GSE1: variants seen among roughly 807,000 people sequenced by gnomAD.
GSE1 encodes the protein Gse1 coiled-coil protein, also known as genetic suppressor element 1.
In GSE1, 32 loss-of-function variants were observed where a neutral mutation model predicts 112.6. The observed-to-expected ratio is 0.28, with a 90% CI of 0.21 to 0.38. The LOEUF (loss-of-function observed/expected upper bound fraction) is 0.38, where lower values mean the gene tolerates loss of function less well. Ranked by LOEUF, GSE1 falls within the 10% of genes least tolerant of loss-of-function variation. GSE1 has a pLI of 1.00. For synonymous variants in GSE1, 1,115 were observed against 735.6 expected (o/e 1.52, Z -8.35); for missense variants, 2,348 against 1,699.2 (o/e 1.38, Z -6.71).
intron 1 of GSE1, among the ~76,000 whole-genome samples, chr16:85,299,919 G>C (rs1382084110): frequency 6.9e-6 from 1 of 144,044 alleles, no homozygotes; most frequent in African/African-American, 2.7e-5. Flanking sequence ...CTGGGTGACA[G>C]AGTGAGACCC....
At chr16:85,396,707 C>G (rs2047974640) in intron 2 of GSE1, among the ~76,000 whole-genome samples, 1 of 152,240 alleles carries the variant, frequency 6.6e-6, no homozygotes, top group African/African-American at 2.4e-5. Context: ...TGTCCGGACG[C>G]TACACAAGTG....
intron 1 of GSE1, among the ~76,000 whole-genome samples, chr16:85,176,802 G>A (rs891047490): frequency 4.6e-5 from 7 of 152,242 alleles, no homozygotes; most frequent in Admixed American, 1.3e-4. Flanking sequence ...TGCAGAGAGC[G>A]TCTGTCGTCA....
Position 85,661,471 on chromosome 16 carries a change from C to G in GSE1, c.1966C>G (p.Pro656Ala), listed in dbSNP as rs147451671. Residue 656 changes from proline to alanine, a missense_variant, in exon 9 of 16, where the codon CCA (proline) becomes GCA (alanine). Transcript: ENST00000253458. The part of the protein sequence containing the change: ...LDKYQPPPPP[P>A]REGGSLEHQP... ...CAAGTACCAGCCACCTCCGCCGCCA[C>G]CACGAGAGGGAGGGAGCCTGGAGCA... is the stretch of plus-strand genomic sequence containing the variant. The G allele has an allele frequency of 4.3e-6, 7 of 1,611,760 alleles. No individual in the cohort carries two copies. The highest frequency in any genetic ancestry group is 1.7e-4 in the Middle Eastern group (1 of 6,058).
At chr16:85,332,467 A>G (rs2151521612) in intron 1 of GSE1, among the ~76,000 whole-genome samples, 1 of 152,244 alleles carries the variant, frequency 6.6e-6, no homozygotes, top group East Asian at 1.9e-4. Context: ...AGGCTCAGGG[A>G]GGGGATGTGA....
chr16:85,192,139 C>T (rs2074836422), intron 1 of GSE1, among the ~76,000 whole-genome samples: 1 of 152,244 alleles, frequency 6.6e-6, no homozygotes, highest in Non-Finnish European at 1.5e-5. Context: ...AGGGTGCACA[C>T]ATAGGCAGTA....
chr16:85,397,694 C>T (rs1033750023), intron 2 of GSE1, among the ~76,000 whole-genome samples: 6 of 152,232 alleles, frequency 3.9e-5, no homozygotes, highest in African/African-American at 9.6e-5. Context: ...CTGGAGGACG[C>T]GCGTCAGCCT....
chr16:85,424,132 G>A (rs1264783023), intron 2 of GSE1, among the ~76,000 whole-genome samples: 1 of 152,252 alleles, frequency 6.6e-6, no homozygotes. Context: ...GAAGGAACCA[G>A]AAAGAAAGCT....
rs1009848300 is a variant in GSE1, at chr16:85,180,960, A to G, written c.2283+9153A>G. Among the ~76,000 whole-genome samples the G allele has an allele frequency of 2.6e-5, 4 of 152,200 alleles. No homozygotes were observed. In the East Asian group the frequency reaches 5.8e-4, roughly 22 times the overall value. Reference sequence around the variant, plus strand: ...GTGCCAGGGTGCTGCCTGCCAATGTATTATACTGTGGGAACCATTTCAACG... The same window carrying G: ...GTGCCAGGGTGCTGCCTGCCAATGTGTTATACTGTGGGAACCATTTCAACG... On this transcript the variant is annotated intron_variant, in intron 1 of 2. Coordinates refer to the GSE1 transcript ENST00000637419.
chr16:85,470,327 C>G (rs1376642974), intron 2 of GSE1, among the ~76,000 whole-genome samples: 1 of 152,172 alleles, frequency 6.6e-6, no homozygotes, highest in Non-Finnish European at 1.5e-5. Context: ...CCTCAGTGAT[C>G]CAGCCGCAGC....
At chr16:85,634,552 G>A (rs1456395845) in intron 2 of GSE1, among the ~76,000 whole-genome samples, 1 of 152,200 alleles carries the variant, frequency 6.6e-6, no homozygotes, top group African/African-American at 2.4e-5. Context: ...AAGTGGCAGA[G>A]AACATGGTGT....
chr16:85,639,127 T>A (rs1184007296), intron 2 of GSE1, among the ~76,000 whole-genome samples: 1 of 152,214 alleles, frequency 6.6e-6, no homozygotes, highest in African/African-American at 2.4e-5. Flanking sequence ...TCCCTGACCC[T>A]GTTCTGCCCT....
intron 2 of GSE1, among the ~76,000 whole-genome samples, chr16:85,375,663 C>T (rs572790135): frequency 2.0e-5 from 3 of 151,928 alleles, no homozygotes; most frequent in African/African-American, 4.8e-5. Flanking sequence ...CTTCCCTCGC[C>T]GGGCACCTCC....
chr16:85,172,527 G>A lies in GSE1; in HGVS notation c.2283+720G>A, dbSNP rs199869106. Among the ~76,000 whole-genome samples the A allele has an allele frequency of 2.2e-4, 33 of 152,352 alleles. 1 individual carries two copies. The highest frequency in any genetic ancestry group is 2.1e-3 in the East Asian group (11 of 5,178). ...GCTGCCCGCCCGCGAGGAGCCAGACGGGGCTCAGTTAATTTGGGATCCGGC... is the reference window on the plus strand; with the variant it reads ...GCTGCCCGCCCGCGAGGAGCCAGACAGGGCTCAGTTAATTTGGGATCCGGC... On this transcript the variant is annotated intron_variant, in intron 1 of 2. Coordinates refer to the GSE1 transcript ENST00000637419.
At chr16:85,513,921 G>A (rs988271907) in intron 2 of GSE1, among the ~76,000 whole-genome samples, 1 of 152,076 alleles carries the variant, frequency 6.6e-6, no homozygotes, top group African/African-American at 2.4e-5. Flanking sequence ...TCAGGGCCCC[G>A]GGATCTGCAT....
intron 1 of GSE1, among the ~76,000 whole-genome samples, chr16:85,604,012 G>A (rs1268409293): frequency 3.9e-5 from 6 of 152,164 alleles, no homozygotes; most frequent in Non-Finnish European, 7.3e-5. Flanking sequence ...AGGAAGCATG[G>A]TGCTCACATC....
chr16:85,632,027 T>G (rs1349058094), intron 1 of GSE1, among the ~76,000 whole-genome samples: 2 of 152,196 alleles, frequency 1.3e-5, no homozygotes, highest in South Asian at 4.1e-4. Context: ...CGGGCCCTCA[T>G]TGGCAGCCCG....
intron 1 of GSE1, among the ~76,000 whole-genome samples, chr16:85,337,189 G>A (rs142862413): frequency 9.6e-4 from 146 of 152,004 alleles, no homozygotes; most frequent in African/African-American, 3.4e-3. Context: ...GGGCACCCCC[G>A]CCTGCTCCTC....
chr16:85,255,888 G>A (rs145552414), intron 1 of GSE1, among the ~76,000 whole-genome samples: 32 of 150,980 alleles, frequency 2.1e-4, no homozygotes, highest in Non-Finnish European at 4.3e-4. Context: ...GGGTCTCACC[G>A]TGTTGTCCAG....
intron 2 of GSE1, among the ~76,000 whole-genome samples, chr16:85,543,317 A>C (rs937224917): frequency 6.6e-6 from 1 of 152,106 alleles, no homozygotes; most frequent in Non-Finnish European, 1.5e-5. Flanking sequence ...CCTGGATTCT[A>C]TAGAGATAGC....
Sources: gnomAD v4.1 joint callset for allele counts (sites outside exome capture counted in the v4.1 genomes callset) on GRCh38, gnomAD v4.1.1 for gene constraint, MANE v1.5 for transcripts, NCBI Gene and HGNC (gene_info 2026-07-23, HGNC 2026-07-21) for gene names.